The following MYO5A variants were observed in gnomAD, a reference collection of about 807,000 sequenced individuals.
MYO5A encodes the protein myosin VA.
A neutral mutation model predicts 249.7 loss-of-function variants in MYO5A; 98 were observed. That is an observed-to-expected ratio of 0.39 (90% confidence interval 0.33 to 0.46). The LOEUF (loss-of-function observed/expected upper bound fraction) is 0.46, where lower values mean the gene tolerates loss of function less well. MYO5A is among the 20% of genes least tolerant of loss of function. The pLI, the probability that MYO5A is intolerant of heterozygous loss-of-function variation, is 0.98. For synonymous variants in MYO5A, 778 were observed against 810.6 expected, an observed-to-expected ratio of 0.96 and a Z score of 0.68; for missense variants, 1,696 against 2,308.8, an observed-to-expected ratio of 0.73 and a Z score of 5.44.
intron 1 of MYO5A, among the ~76,000 whole-genome samples, chr15:52,444,925 GAC>G (rs1317336853): frequency 2.6e-5 from 4 of 152,186 alleles, no homozygotes; most frequent in Admixed American, 2.6e-4. Context: ...CATTATATGA[GAC>G]AATATGGATA....
At chr15:52,480,637 C>T (rs1567166433) in intron 1 of MYO5A, among the ~76,000 whole-genome samples, 1 of 152,176 alleles carries the variant, frequency 6.6e-6, no homozygotes, top group South Asian at 2.1e-4. Context: ...AAAATCAGGA[C>T]TCAACTAAAA....
intron 11 of MYO5A, among the ~76,000 whole-genome samples, chr15:52,395,267 C>T (rs116192208): frequency 1.3e-4 from 20 of 152,304 alleles, no homozygotes; most frequent in African/African-American, 4.8e-4. Flanking sequence ...AATTCACATA[C>T]AACACCTCCT....
chr15:52,379,655 T>C lies in MYO5A; in HGVS notation c.2178A>G (p.Thr726=), dbSNP rs1476103178. The C allele has an allele frequency of 1.9e-6, 3 of 1,614,048 alleles. No homozygotes were observed. The highest frequency in any genetic ancestry group is 3.3e-5 in the Admixed American group (2 of 60,006). Reference sequence around the variant, plus strand: ...TCAGTTTCTCTAACACATTCTTGCATGTTTGCTTTCTGTCACTCAGCACAT... The same window carrying C: ...TCAGTTTCTCTAACACATTCTTGCACGTTTGCTTTCTGTCACTCAGCACAT... The part of the protein sequence containing the change: ...QKDVLSDRKQ[T]CKNVLEKLIL... Residue 726 remains threonine, a synonymous_variant, in exon 18 of 42, where the codon ACA becomes ACG. Transcript: ENST00000399233.
chr15:52,343,245 T>C (rs1020951847), intron 30 of MYO5A, 48 bp from the exon 31 acceptor site: 17 of 1,490,506 alleles, frequency 1.1e-5, no homozygotes, highest in Non-Finnish European at 1.6e-5. Flanking sequence ...GGATACAGGA[T>C]GCTGATGAGG....
At chr15:52,446,795 T>C (rs1176946865) in intron 1 of MYO5A, among the ~76,000 whole-genome samples, 2 of 152,340 alleles carry the variant, frequency 1.3e-5, no homozygotes, top group East Asian at 3.9e-4. Context: ...AACAGGATTA[T>C]CTTGGATCTT....
intron 1 of MYO5A, among the ~76,000 whole-genome samples, chr15:52,443,073 A>G (rs1167067303): frequency 1.3e-5 from 2 of 152,156 alleles, no homozygotes; most frequent in African/African-American, 2.4e-5. Flanking sequence ...TTTATTATGA[A>G]GGAATTCCCC....
At chr15:52,404,007 T>A (rs1429071620) in intron 9 of MYO5A, among the ~76,000 whole-genome samples, 2 of 152,218 alleles carry the variant, frequency 1.3e-5, no homozygotes, top group African/African-American at 4.8e-5. Context: ...ACCTCACACC[T>A]ATAATCCCAG....
intron 1 of MYO5A, among the ~76,000 whole-genome samples, chr15:52,483,409 C>A (rs2076754446): frequency 6.6e-6 from 1 of 152,066 alleles, no homozygotes; most frequent in African/African-American, 2.4e-5. Context: ...GTGAGTATGG[C>A]AAGCACTGTG....
chr15:52,433,261 G>T lies in MYO5A; in HGVS notation c.52C>A (p.Pro18Thr). 15 of 1,613,470 alleles carry T rather than the reference G, an allele frequency of 9.3e-6. 1 individual carries two copies. In the South Asian group the frequency reaches 1.5e-4, roughly 17 times the overall value. ...TCTGCTGACTTCCAGACTTCCTCTG[G>T]ATCAGGTATCCAAACCCTGGCAAAC... ...TKFARVWIPDPEEVWKSAELL... is the reference protein window; with the variant it reads ...TKFARVWIPDTEEVWKSAELL... Residue 18 changes from proline to threonine, a missense_variant, in exon 2 of 42, where the codon CCA (proline) becomes ACA (threonine). Coordinates refer to ENST00000399233, the MANE Select transcript of MYO5A (RefSeq NM_001382347.1).
intron 33 of MYO5A, 45 bp from the exon 34 acceptor site, chr15:52,336,601 C>T: frequency 3.7e-6 from 5 of 1,353,362 alleles, no homozygotes; most frequent in Non-Finnish European, 4.1e-6. Context: ...CGAAACAGGC[C>T]TTCTAAAATG....
At chr15:52,472,743 T>C (rs1019718176) in intron 1 of MYO5A, among the ~76,000 whole-genome samples, 3 of 152,162 alleles carry the variant, frequency 2.0e-5, no homozygotes, top group Non-Finnish European at 2.9e-5. Flanking sequence ...TATGGCTACG[T>C]AGTATTCCAT....
At chr15:52,408,592 C>A (rs1211337526) in intron 6 of MYO5A, among the ~76,000 whole-genome samples, 1 of 152,104 alleles carries the variant, frequency 6.6e-6, no homozygotes, top group Non-Finnish European at 1.5e-5. Context: ...AGGAAAGTCA[C>A]AAATGTACAT....
intron 40 of MYO5A, among the ~76,000 whole-genome samples, chr15:52,316,527 T>C (rs2038026417): frequency 6.6e-6 from 1 of 152,216 alleles, no homozygotes; most frequent in South Asian, 2.1e-4. Flanking sequence ...CCTACTGAAC[T>C]GTAAGCTCCT....
At chr15:52,389,456 T>C in intron 12 of MYO5A, 93 bp from the exon 13 acceptor site, 1 of 1,340,018 alleles carries the variant, frequency 7.5e-7, no homozygotes, top group Non-Finnish European at 1.0e-6. Flanking sequence ...ATTTTTTTTT[T>C]TTGGCTTTAA....
chr15:52,377,897 C>G (rs1363748857), intron 18 of MYO5A, among the ~76,000 whole-genome samples: 1 of 152,142 alleles, frequency 6.6e-6, no homozygotes. Flanking sequence ...TAAGGGAAAA[C>G]AGAGAAAATC....
chr15:52,433,287 T>C lies in MYO5A; in HGVS notation c.28-2A>G. ...ATCAGGTATCCAAACCCTGGCAAAC[T>C]AGAAGACAAAAAGAAAAAAATTTAA... On this transcript the variant is annotated splice_acceptor_variant, in intron 1 of 41. Transcript: ENST00000399233. LOFTEE classifies it high-confidence loss of function. The C allele has an allele frequency of 6.2e-7, 1 of 1,605,762 alleles. No individual in the cohort carries two copies. Among genetic ancestry groups the C allele is most frequent in the Non-Finnish European group, 8.5e-7 (1 of 1,173,168 alleles).
chr15:52,410,175 A>G (rs866228918), intron 6 of MYO5A, among the ~76,000 whole-genome samples, 158 bp downstream of exon 6: 17 of 152,352 alleles, frequency 1.1e-4, no homozygotes, highest in African/African-American at 3.8e-4. Context: ...TGCCTCTAAC[A>G]GGCACCATTT....
intron 1 of MYO5A, among the ~76,000 whole-genome samples, chr15:52,479,078 C>G (rs959290672): frequency 2.0e-5 from 3 of 152,028 alleles, no homozygotes; most frequent in African/African-American, 7.2e-5. Context: ...TCACTGTAAC[C>G]TCTGCCCCCT....
intron 1 of MYO5A, among the ~76,000 whole-genome samples, chr15:52,490,639 G>A (rs993305693): frequency 6.6e-6 from 1 of 152,180 alleles, no homozygotes; most frequent in Admixed American, 6.5e-5. Flanking sequence ...TGGGGAATAG[G>A]GAGTTATTGT....
Sources: allele counts gnomAD v4.1 joint callset (sites outside exome capture counted in the v4.1 genomes callset), GRCh38; gene constraint gnomAD v4.1.1; transcripts MANE v1.5; gene names NCBI Gene and HGNC (gene_info 2026-07-23, HGNC 2026-07-21).